Variants in THNSL1 observed in about 807,000 individuals in gnomAD.
THNSL1 encodes the protein threonine synthase-like 1.
THNSL1 carries 48 observed loss-of-function variants against 50.4 expected under a neutral mutation model. The ratio of observed to expected loss-of-function variants is 0.95; its 90% CI spans 0.76 to 1.21. The LOEUF (loss-of-function observed/expected upper bound fraction) is 1.21. THNSL1 is among the 50% of genes most tolerant of loss of function. The pLI, the probability that THNSL1 is intolerant of heterozygous loss-of-function variation, is 0.00. For synonymous variants in THNSL1, 309 were observed against 306.1 expected, an observed-to-expected ratio of 1.01 and a Z score of -0.10; for missense variants, 896 against 871.7, an observed-to-expected ratio of 1.03 and a Z score of -0.35.
the THNSL1 span, among the ~76,000 whole-genome samples, chr10:24,960,144 G>A: frequency 1.3e-5 from 2 of 151,798 alleles, no homozygotes; most frequent in Non-Finnish European, 2.9e-5. Context: ...ATCTCATTGC[G>A]GCAATTCCCT....
chr10:25,006,254 G>A, the THNSL1 span, among the ~76,000 whole-genome samples: 1 of 152,070 alleles, frequency 6.6e-6, no homozygotes, highest in East Asian at 1.9e-4. Context: ...CTATAATGAG[G>A]GCAACAGTAG....
At chr10:24,984,497 A>G in the THNSL1 span, 1 of 1,277,466 alleles carries the variant, frequency 7.8e-7, no homozygotes, top group Non-Finnish European at 1.1e-6. Context: ...TGGAACTGGA[A>G]CACATATTCT....
the THNSL1 span, chr10:24,952,713 C>A: frequency 1.2e-6 from 1 of 805,310 alleles, no homozygotes; most frequent in Non-Finnish European, 1.9e-6. The surrounding 1 kb of genome is among the most constrained non-coding windows in gnomAD (Gnocchi z 5.1). Flanking sequence ...CGCCCCGCCC[C>A]GGGCCCGCCG....
At chr10:24,988,782 G>A in the THNSL1 span, among the ~76,000 whole-genome samples, 1 of 130,352 alleles carries the variant, frequency 7.7e-6, no homozygotes. Flanking sequence ...ATCCTGTCCA[G>A]GTATAATGAG....
In THNSL1 at chr10:25,021,300, T is replaced by G. The variant is rs542828553; in HGVS notation, c.-215-442T>G. On this transcript the variant is annotated intron_variant, in intron 1 of 2. Coordinates refer to ENST00000376356, the MANE Select transcript of THNSL1 (RefSeq NM_024838.5). ...TATCTTTTTGTGGCAAGAGTTTTAT[T>G]TGGGCTTTTTATAGTGGATATTATT... is the stretch of plus-strand genomic sequence containing the variant. 3.8e-3 allele frequency among the ~76,000 whole-genome samples: 573 copies of G among 152,348 alleles called. 2 individuals are homozygous for G. Among genetic ancestry groups the G allele is most frequent in the Middle Eastern group, 0.01 (3 of 294 alleles).
chr10:24,970,140 T>A, the THNSL1 span, among the ~76,000 whole-genome samples: 1 of 152,202 alleles, frequency 6.6e-6, no homozygotes, highest in Non-Finnish European at 1.5e-5. Context: ...GGAGGGAAAA[T>A]CCTTTCAAGA....
the THNSL1 span, chr10:24,983,462 T>A: frequency 6.6e-6 from 1 of 152,294 alleles, no homozygotes; most frequent in Non-Finnish European, 1.5e-5. Flanking sequence ...CATTTTGGAG[T>A]GTACTGTCAC....
chr10:24,962,839 T>C, the THNSL1 span, among the ~76,000 whole-genome samples: 1 of 152,214 alleles, frequency 6.6e-6, no homozygotes, highest in Non-Finnish European at 1.5e-5. Flanking sequence ...TCAATTTGTC[T>C]CTTGGCTTGA....
At chr10:24,993,320 T>A in the THNSL1 span, among the ~76,000 whole-genome samples, 1 of 152,244 alleles carries the variant, frequency 6.6e-6, no homozygotes, top group Non-Finnish European at 1.5e-5. Context: ...TTATTAGGTG[T>A]CACATTTTGT....
At chr10:24,959,723 A>G in the THNSL1 span, among the ~76,000 whole-genome samples, 1 of 152,050 alleles carries the variant, frequency 6.6e-6, no homozygotes, top group East Asian at 1.9e-4. Flanking sequence ...GGTGTTTTAT[A>G]AGTGTTTTAA....
upstream of THNSL1, chr10:25,016,112 A>G (rs753903394): frequency 3.3e-4 from 425 of 1,283,396 alleles, no homozygotes; most frequent in Non-Finnish European, 4.0e-4. Flanking sequence ...CTCTCTCGGG[A>G]AGAAAACACC....
chr10:25,017,023 C>G (rs542358328), intron 1 of THNSL1, among the ~76,000 whole-genome samples: 1 of 152,166 alleles, frequency 6.6e-6, no homozygotes, highest in Non-Finnish European at 1.5e-5. Context: ...CGCTCGCCCT[C>G]CCGCCCCTGC....
upstream of THNSL1, chr10:25,015,867 G>C: frequency 6.2e-7 from 1 of 1,605,150 alleles, no homozygotes; most frequent in Non-Finnish European, 8.5e-7. Flanking sequence ...TACCTAGGAG[G>C]CTGGGGAGGC....
the THNSL1 span, among the ~76,000 whole-genome samples, chr10:24,964,631 C>T: frequency 6.6e-6 from 1 of 152,268 alleles, no homozygotes; most frequent in African/African-American, 2.4e-5. Context: ...GATATTACTT[C>T]CATTTCATAT....
chr10:24,964,286 T>A, the THNSL1 span, among the ~76,000 whole-genome samples: 3 of 152,180 alleles, frequency 2.0e-5, no homozygotes, highest in African/African-American at 7.2e-5. Flanking sequence ...CTACTCTGTT[T>A]TTAGGAGGTA....
At chr10:25,013,770 C>T (rs1850504018), upstream of THNSL1, among the ~76,000 whole-genome samples, 1 of 152,000 alleles carries the variant, frequency 6.6e-6, no homozygotes, top group East Asian at 1.9e-4. Flanking sequence ...TGGTGAAACC[C>T]CATCCCTACT....
chr10:24,952,441 G>T, the THNSL1 span: 7 of 1,446,944 alleles, frequency 4.8e-6, no homozygotes, highest in Admixed American at 8.0e-5. The surrounding 1 kb of genome is among the most constrained non-coding windows in gnomAD (Gnocchi z 5.1). Flanking sequence ...TCTCTCCCCC[G>T]ACGCACGGCA....
chr10:24,961,046 A>G, the THNSL1 span, among the ~76,000 whole-genome samples: 16 of 152,330 alleles, frequency 1.1e-4, no homozygotes, highest in African/African-American at 3.6e-4. Flanking sequence ...GTGCAAAGGT[A>G]TTTTTCCATT....
chr10:24,956,471 T>A, the THNSL1 span, among the ~76,000 whole-genome samples: 4 of 152,086 alleles, frequency 2.6e-5, no homozygotes, highest in African/African-American at 4.8e-5. Flanking sequence ...ATTTATTTTT[T>A]TTTTTTGGTG....
Sources: gnomAD v4.1 joint callset for allele counts (sites outside exome capture counted in the v4.1 genomes callset) on GRCh38, gnomAD v4.1.1 for gene constraint, Gnocchi (gnomAD v3.1) non-coding constraint, MANE v1.5 for transcripts, NCBI Gene and HGNC (gene_info 2026-07-23, HGNC 2026-07-21) for gene names.